TBC1D2B: variants seen among roughly 807,000 people sequenced by gnomAD.
TBC1D2B encodes TBC1 domain family, member 2B.
In TBC1D2B, 64 loss-of-function variants were observed where a neutral mutation model predicts 100.8. The ratio of observed to expected loss-of-function variants is 0.64; its 90% CI spans 0.52 to 0.78. The LOEUF is 0.78. TBC1D2B is among the 30% of genes least tolerant of loss of function. The pLI is 0.00. For synonymous variants in TBC1D2B, 480 were observed against 479.7 expected (o/e 1.00, Z -0.01); for missense variants, 1,052 against 1,218.4 (o/e 0.86, Z 2.03).
chr15:78,002,083 A>C, intron 11 of TBC1D2B: 2 of 159,600 alleles, frequency 1.3e-5, no homozygotes, highest in Non-Finnish European at 1.4e-5. Context: ...TAAAACCAAA[A>C]TCAAGGTTTT....
intron 8 of TBC1D2B, among the ~76,000 whole-genome samples, chr15:78,015,549 C>T (rs997809346): frequency 1.3e-5 from 2 of 152,184 alleles, no homozygotes; most frequent in Non-Finnish European, 1.5e-5. Context: ...ACAGCCACCA[C>T]GATGAGCAAA....
Position 77,995,141 on chromosome 15 carries a change from G to A in TBC1D2B, c.*3019C>T, listed in dbSNP as rs1255535206. 3.3e-5 allele frequency: 5 copies of A among 152,176 alleles called. No individual in the cohort carries two copies. Among genetic ancestry groups the A allele is most frequent in the Non-Finnish European group, 7.3e-5 (5 of 68,042 alleles). 9.4% of individuals were successfully genotyped at this position (152,176 alleles called of 1,614,324 possible). A position where few individuals can be genotyped will look rare whatever the true frequency, so the allele number is the denominator to read the frequency against. On this transcript the variant is annotated 3_prime_UTR_variant, in exon 13 of 13. Coordinates refer to ENST00000300584, the MANE Select transcript of TBC1D2B (RefSeq NM_144572.2). ...CCCAGCAGCAGTGGGACGTTCAGTG[G>A]CACACAGTGGGTCTCTGTATGGCCT... is the stretch of plus-strand genomic sequence containing the variant.
chr15:78,061,636 A>G (rs989040117), intron 1 of TBC1D2B, among the ~76,000 whole-genome samples: 11 of 149,562 alleles, frequency 7.4e-5, no homozygotes, highest in Non-Finnish European at 1.3e-4. Context: ...CTGGTCAAAT[A>G]CCTGGAAAAA....
At chr15:78,059,589 A>T (rs2073501347) in intron 1 of TBC1D2B, among the ~76,000 whole-genome samples, 1 of 152,058 alleles carries the variant, frequency 6.6e-6, no homozygotes, top group Non-Finnish European at 1.5e-5. Context: ...AGCCATCCAC[A>T]TTCTGCTTGA....
intron 10 of TBC1D2B, 135 bp downstream of exon 10, chr15:78,008,862 C>T (rs2072145957): frequency 6.2e-6 from 4 of 649,178 alleles, no homozygotes; most frequent in South Asian, 1.9e-5. Flanking sequence ...GAGATGTGGC[C>T]TGCTGTCTTC....
chr15:78,032,503 G>A (rs1365717419), intron 3 of TBC1D2B, among the ~76,000 whole-genome samples: 1 of 151,690 alleles, frequency 6.6e-6, no homozygotes, highest in Non-Finnish European at 1.5e-5. Flanking sequence ...CATGCACGAA[G>A]TGGGAAGTAC....
chr15:78,007,910 G>A (rs1415118541), intron 10 of TBC1D2B, among the ~76,000 whole-genome samples: 1 of 152,246 alleles, frequency 6.6e-6, no homozygotes, highest in Non-Finnish European at 1.5e-5. Flanking sequence ...TCACCCTTCA[G>A]TCTCCTGCCA....
At position 78,025,149 on chromosome 15, in the gene TBC1D2B, G is replaced by T. The variant is rs1022820876; in HGVS notation, c.1086+110C>A. ...ACCTCCAGGGGAAAAGCAACTCCTG[G>T]GAAACAAAGCTGTCCCCAGAAAGAC... is the stretch of plus-strand genomic sequence containing the variant. On this transcript the variant is annotated intron_variant, in intron 5 of 12. Transcript: ENST00000300584. The T allele has an allele frequency of 1.1e-4, 97 of 917,838 alleles. 1 individual carries two copies. In the East Asian group the frequency reaches 2.5e-3, roughly 24 times the overall value. 56.9% of individuals were successfully genotyped at this position (917,838 alleles called of 1,614,324 possible). A position where few individuals can be genotyped will look rare whatever the true frequency, so the allele number is the denominator to read the frequency against.
intron 2 of TBC1D2B, among the ~76,000 whole-genome samples, chr15:78,048,983 A>C (rs1166110445): frequency 2.0e-5 from 3 of 152,260 alleles, no homozygotes; most frequent in African/African-American, 7.2e-5. Context: ...GCATCAAAGC[A>C]CACAGCAAAC....
At chr15:78,066,900 C>T (rs953502412) in intron 1 of TBC1D2B, among the ~76,000 whole-genome samples, 1 of 152,212 alleles carries the variant, frequency 6.6e-6, no homozygotes, top group Non-Finnish European at 1.5e-5. Flanking sequence ...ACTGATGCCT[C>T]CTATCAAGTC....
Position 78,024,143 on chromosome 15 carries a change from G to A in TBC1D2B, c.1470+13C>T, listed in dbSNP as rs2072590053. 3 of 1,600,388 alleles carry A rather than the reference G, an allele frequency of 1.9e-6. No individual in the cohort carries two copies. The highest frequency in any genetic ancestry group is 2.6e-6 in the Non-Finnish European group (3 of 1,172,936). ...TCTCATGCCAATCACCAGAGCCCCT[G>A]CCCCACTCTTACTTTCAGCCTGTCC... On this transcript the variant is annotated intron_variant, in intron 6 of 12. Transcript: ENST00000300584.
At chr15:78,006,058 A>C (rs559260487) in intron 10 of TBC1D2B, among the ~76,000 whole-genome samples, 47 of 152,230 alleles carry the variant, frequency 3.1e-4, no homozygotes, top group African/African-American at 1.0e-3. Flanking sequence ...ACATATGGGG[A>C]AACTGAGGCA....
At position 77,995,633 on chromosome 15, in the gene TBC1D2B, CA is replaced by C. The variant is rs1339298006; in HGVS notation, c.*2526del. 9.8e-5 allele frequency: 15 copies of C among 152,474 alleles called. No individual in the cohort carries two copies. The highest frequency in any genetic ancestry group is 9.8e-4 in the Admixed American group (15 of 15,288). The allele number at this position is 152,474 out of a possible 1,614,324, so 9.4% of individuals were successfully genotyped here. ...AAATATAAACTGTAGTGAGAGTGTA[CA>C]AAAGTATTAACAGAGGTTCAACCCA... On this transcript the variant is annotated 3_prime_UTR_variant, in exon 13 of 13. Transcript: ENST00000300584.
At chr15:78,009,974 CAAAA>C (rs59641885) in intron 9 of TBC1D2B, among the ~76,000 whole-genome samples, 2 of 95,924 alleles carry the variant, frequency 2.1e-5, no homozygotes, top group African/African-American at 4.0e-5. Context: ...GACTCCGTCT[CAAAA>C]AAAAAAAAAA....
intron 8 of TBC1D2B, 78 bp downstream of exon 8, chr15:78,016,468 C>T: frequency 7.2e-7 from 1 of 1,389,232 alleles, no homozygotes; most frequent in South Asian, 1.3e-5. Flanking sequence ...GTACGGCTCT[C>T]TGCGAATGGT....
intron 3 of TBC1D2B, among the ~76,000 whole-genome samples, chr15:78,032,900 G>C (rs899267784): frequency 1.1e-4 from 16 of 152,138 alleles, no homozygotes; most frequent in Admixed American, 1.0e-3. Context: ...GTCGGTCACT[G>C]AAGGGGACGA....
intron 4 of TBC1D2B, among the ~76,000 whole-genome samples, chr15:78,027,422 GA>G (rs1003725455): frequency 3.3e-5 from 5 of 152,196 alleles, no homozygotes; most frequent in African/African-American, 1.2e-4. Context: ...AAAGATACGG[GA>G]AAATACAAGG....
At chr15:78,002,633 G>C (rs2141620592) in intron 11 of TBC1D2B, 1 of 152,136 alleles carries the variant, frequency 6.6e-6, no homozygotes, top group Non-Finnish European at 1.5e-5. Flanking sequence ...TTTGTTTTCT[G>C]GGTCTTGCTG....
At chr15:77,999,543 T>C (rs2071855480) in intron 12 of TBC1D2B, among the ~76,000 whole-genome samples, 1 of 152,080 alleles carries the variant, frequency 6.6e-6, no homozygotes, top group South Asian at 2.1e-4. Context: ...ATTTCTCGGG[T>C]TCCGCCTCCT....
Sources: allele counts gnomAD v4.1 joint callset (sites outside exome capture counted in the v4.1 genomes callset), GRCh38; gene constraint gnomAD v4.1.1; transcripts MANE v1.5; gene names NCBI Gene and HGNC (gene_info 2026-07-23, HGNC 2026-07-21).